The following AOC1 variants were observed in gnomAD, a reference collection of about 807,000 sequenced individuals.
AOC1 encodes amine oxidase copper containing 1, also known as diamine oxidase [copper-containing].
Under a neutral mutation model 57.1 loss-of-function variants are expected in AOC1, and 58 were observed. The ratio of observed to expected loss-of-function variants is 1.02; its 90% CI spans 0.82 to 1.26. The LOEUF is 1.26. AOC1 is among the 50% of genes most tolerant of loss of function. The pLI is 0.00. For missense variants in AOC1, 917 were observed against 1,005.3 expected (o/e 0.91, Z 1.19); for synonymous variants, 401 against 423.4 (o/e 0.95, Z 0.65).
Position 150,857,961 on chromosome 7 carries a change from C to T in AOC1, c.1491C>T (p.His497=), listed in dbSNP as rs369698665. 18 of 1,600,646 alleles carry T rather than the reference C, an allele frequency of 1.1e-5. No homozygotes were observed. The highest frequency in any genetic ancestry group is 4.5e-5 in the East Asian group (2 of 44,810). ...TCTACACCCCCGAGGGGCTGCGCCA[C>T]GGCACTCGCCTGCACACCCACCTGA... ...ATFYTPEGLR[H]GTRLHTHLIG... is the part of the protein sequence containing the mutation. The change falls in exon 2 of 5, where the codon CAC becomes CAT. Residue 497 remains histidine (H), a synonymous_variant. Coordinates refer to ENST00000360937, the MANE Select transcript of AOC1 (RefSeq NM_001091.4). The surrounding 1 kb of genome is among the most constrained non-coding windows in gnomAD (Gnocchi z 6.6).
In AOC1 at chr7:150,859,045, CAAGGTGAGG is replaced by C; in HGVS notation, c.1856+1_1856+9del. On this transcript the variant is annotated splice_donor_variant and splice_donor_5th_base_variant and coding_sequence_variant and intron_variant, in exon 3 of 5. Coordinates refer to ENST00000360937, the MANE Select transcript of AOC1 (RefSeq NM_001091.4). LOFTEE classifies it high-confidence loss of function. ...CAGGAGGAGCAGGCCATCACCTGGG[CAAGGTGAGG>C]AAGACCCAGGGGGCCTGGGGGAGGG... 6.4e-7 allele frequency: 1 copy of C among 1,564,580 alleles called. No homozygotes were observed. Among genetic ancestry groups the C allele is most frequent in the Non-Finnish European group, 8.7e-7 (1 of 1,150,416 alleles).
chr7:150,860,444 G>A, intron 3 of AOC1, 57 bp from the exon 4 acceptor site: 1 of 1,611,524 alleles, frequency 6.2e-7, no homozygotes, highest in Non-Finnish European at 8.5e-7. Flanking sequence ...CCCTGGGCAG[G>A]ACTGAGGGGG....
At position 150,860,962 on chromosome 7, in the gene AOC1, C is replaced by T. The variant is rs368330728; in HGVS notation, c.2009C>T (p.Thr670Met). ...IENEDLVAWVTVGFLHIPHSE... is the reference protein window; with the variant it reads ...IENEDLVAWVMVGFLHIPHSE... Reference sequence around the variant, plus strand: ...CTGCAGGACCTGGTGGCCTGGGTGACGGTGGGCTTCCTGCACATCCCCCAC... The same window carrying T: ...CTGCAGGACCTGGTGGCCTGGGTGATGGTGGGCTTCCTGCACATCCCCCAC... The change falls in exon 5 of 5, where the codon ACG (threonine) becomes ATG (methionine). Residue 670 changes from threonine (T) to methionine (M), a missense_variant. Coordinates refer to ENST00000360937, the MANE Select transcript of AOC1 (RefSeq NM_001091.4). 2.2e-5 allele frequency: 35 copies of T among 1,612,836 alleles called. No homozygotes were observed. Among genetic ancestry groups the T allele is most frequent in the Middle Eastern group, 1.6e-4 (1 of 6,082 alleles).
rs747539830 is a variant in AOC1 at position 150,859,068 on chromosome 7, C to T, written c.1856+20C>T. On this transcript the variant is annotated intron_variant, in intron 3 of 4. Coordinates refer to ENST00000360937, the MANE Select transcript of AOC1 (RefSeq NM_001091.4). ...GGCAAGGTGAGGAAGACCCAGGGGG[C>T]CTGGGGGAGGGTCAGTGGCTTCCCT... The T allele has an allele frequency of 3.3e-6, 5 of 1,526,802 alleles. No homozygotes were observed. Among genetic ancestry groups the T allele is most frequent in the Admixed American group, 4.1e-5 (2 of 48,362 alleles). 94.6% of individuals were successfully genotyped at this position (1,526,802 alleles called of 1,614,324 possible). A position where few individuals can be genotyped will look rare whatever the true frequency, so the allele number is the denominator to read the frequency against.
rs1390696763 is a variant in AOC1 at position 150,860,575 on chromosome 7, G to A, written c.1931G>A (p.Trp644Ter). 2 of 1,614,022 alleles carry A rather than the reference G, an allele frequency of 1.2e-6. No individual in the cohort carries two copies. Among genetic ancestry groups the A allele is most frequent in the Admixed American group, 1.7e-5 (1 of 60,018 alleles). ...SSSIYHQNDP[W>*]HPPVVFEQFL... ...AGCATCTACCACCAGAACGACCCCTGGCACCCGCCCGTGGTCTTTGAGCAG... is the reference window on the plus strand; with the variant it reads ...AGCATCTACCACCAGAACGACCCCTAGCACCCGCCCGTGGTCTTTGAGCAG... The change falls in exon 4 of 5, where the codon TGG becomes TAG. Residue 644 changes from tryptophan (W) to a stop codon, truncating the protein, a stop_gained. Transcript: ENST00000360937. LOFTEE classifies it high-confidence loss of function.
In AOC1 at chr7:150,856,432, T is replaced by G; in HGVS notation, c.-16-23T>G. 1 of 1,572,922 alleles carries G rather than the reference T, an allele frequency of 6.4e-7. No individual in the cohort carries two copies. On this transcript the variant is annotated intron_variant, in intron 1 of 4. Transcript: ENST00000360937. The surrounding 1 kb of genome is among the most constrained non-coding windows in gnomAD (Gnocchi z 5.2). ...ATCTCTGCCCATAAGACAACTAAGTTCATCTCCTCTATTGCATTCCAGAGC... is the reference window on the plus strand; with the variant it reads ...ATCTCTGCCCATAAGACAACTAAGTGCATCTCCTCTATTGCATTCCAGAGC...
Position 150,858,835 on chromosome 7 carries a change from G to T in AOC1, c.1643G>T (p.Arg548Leu). Residue 548 changes from arginine to leucine, a missense_variant, in exon 3 of 5, where the codon CGC becomes CTC. Physicochemically the swap from Arg to Leu is moderately radical, Grantham distance 102. Coordinates refer to ENST00000360937, the MANE Select transcript of AOC1 (RefSeq NM_001091.4). ...NITNPWSPRH[R>L]VVQPTLEQTQ... ...ACCAACCCCTGGAGCCCAAGACACCGCGTGGTCCAGCCAACTCTGGAGCAG... is the reference window on the plus strand; with the variant it reads ...ACCAACCCCTGGAGCCCAAGACACCTCGTGGTCCAGCCAACTCTGGAGCAG... 6.2e-7 allele frequency: 1 copy of T among 1,613,852 alleles called. No individual in the cohort carries two copies. Among genetic ancestry groups the T allele is most frequent in the Non-Finnish European group, 8.5e-7 (1 of 1,179,780 alleles).
At position 150,858,966 on chromosome 7, in the gene AOC1, A is replaced by AGC; in HGVS notation, c.1774_1775insGC (p.Thr592SerfsTer34). On this transcript the variant is annotated frameshift_variant, in exon 3 of 5. Coordinates refer to ENST00000360937, the MANE Select transcript of AOC1 (RefSeq NM_001091.4). LOFTEE classifies it high-confidence loss of function. ...GGAGAACCCCTGGGGCCACAAGCGC[A>AGC]CGTACCGCCTGCAGATCCACTCCAT... 1 of 1,608,656 alleles carries AGC rather than the reference A, an allele frequency of 6.2e-7. No individual in the cohort carries two copies. Among genetic ancestry groups the AGC allele is most frequent in the Non-Finnish European group, 8.5e-7 (1 of 1,176,454 alleles).
chr7:150,853,682 TATATA>T (rs1799687342), intron 1 of AOC1, among the ~76,000 whole-genome samples: 8 of 89,476 alleles, frequency 8.9e-5, no homozygotes, highest in South Asian at 6.0e-4. Context: ...TATATATATA[TATATA>T]TATATATATA....
At position 150,856,929 on chromosome 7, in the gene AOC1, C is replaced by T. The variant is rs770430713; in HGVS notation, c.459C>T (p.His153=). The T allele has an allele frequency of 1.2e-6, 2 of 1,614,172 alleles. No individual in the cohort carries two copies. Among genetic ancestry groups the T allele is most frequent in the Non-Finnish European group, 1.7e-6 (2 of 1,179,994 alleles). Residue 153 remains histidine (H), a synonymous_variant, in exon 2 of 5, where the codon CAC becomes CAT. Coordinates refer to ENST00000360937, the MANE Select transcript of AOC1 (RefSeq NM_001091.4). This position sits in a 1 kb window ranked among gnomAD's most constrained non-coding sequence, Gnocchi z 5.2. ...CAGCAGAGTATGCCCTCCTCTACCA[C>T]ACCCTGCAGGAAGCCACCAAGCCCC... is the stretch of plus-strand genomic sequence containing the variant. ...ISTAEYALLY[H]TLQEATKPLH...
At chr7:150,858,429 G>A (rs1799860602) in intron 2 of AOC1, among the ~76,000 whole-genome samples, 1 of 152,120 alleles carries the variant, frequency 6.6e-6, no homozygotes, top group Non-Finnish European at 1.5e-5. Flanking sequence ...AACTAATGCT[G>A]CCAGACCCAA....
In AOC1 at chr7:150,857,871, T is replaced by A. The variant is rs764338099; in HGVS notation, c.1401T>A (p.Phe467Leu). 1 of 1,613,702 alleles carries A rather than the reference T, an allele frequency of 6.2e-7. No individual in the cohort carries two copies. The highest frequency in any genetic ancestry group is 1.3e-5 in the African/African-American group (1 of 74,938). Residue 467 changes from phenylalanine (F) to leucine (L), a missense_variant, in exon 2 of 5, where the codon TTT (phenylalanine) becomes TTA (leucine). Physicochemically the swap from Phe to Leu is conservative, Grantham distance 22. Coordinates refer to ENST00000360937, the MANE Select transcript of AOC1 (RefSeq NM_001091.4). This position sits in a 1 kb window ranked among gnomAD's most constrained non-coding sequence, Gnocchi z 6.6. ...TVYNYDYIWD[F>L]IFYPNGVMEA... ...ACAATTATGATTACATTTGGGACTT[T>A]ATCTTCTACCCCAACGGGGTGATGG...
At position 150,861,341 on chromosome 7, in the gene AOC1, C is replaced by T. The variant is rs1799963664; in HGVS notation, c.*132C>T. On this transcript the variant is annotated 3_prime_UTR_variant, in exon 5 of 5. Coordinates refer to ENST00000360937, the MANE Select transcript of AOC1 (RefSeq NM_001091.4). The surrounding 1 kb of genome is among the most constrained non-coding windows in gnomAD (Gnocchi z 4.5). Reference sequence around the variant, plus strand: ...GGCACAGGGCCATGTGTGTAGGAAACACACGAACAGACGTGCACACACACA... The same window carrying T: ...GGCACAGGGCCATGTGTGTAGGAAATACACGAACAGACGTGCACACACACA... The T allele has an allele frequency of 9.0e-7, 1 of 1,108,006 alleles. No individual in the cohort carries two copies. Among genetic ancestry groups the T allele is most frequent in the Non-Finnish European group, 1.3e-6 (1 of 799,148 alleles). 68.6% of individuals were successfully genotyped at this position (1,108,006 alleles called of 1,614,324 possible). A position where few individuals can be genotyped will look rare whatever the true frequency, so the allele number is the denominator to read the frequency against.
chr7:150,859,133 G>A, intron 3 of AOC1, 85 bp downstream of exon 3: 2 of 1,383,640 alleles, frequency 1.4e-6, no homozygotes, highest in Non-Finnish European at 1.9e-6. Flanking sequence ...TGTGTCTATG[G>A]GGTTCCTAGT....
chr7:150,858,904 G>A lies in AOC1; in HGVS notation c.1712G>A (p.Arg571Lys), dbSNP rs754487035. 3.1e-6 allele frequency: 5 copies of A among 1,613,484 alleles called. 1 individual carries two copies. Among genetic ancestry groups the A allele is most frequent in the Non-Finnish European group, 1.7e-6 (2 of 1,179,656 alleles). Residue 571 changes from arginine (R) to lysine (K), a missense_variant, in exon 3 of 5, where the codon AGG (arginine) becomes AAG (lysine). Transcript: ENST00000360937. Reference protein sequence around the residue: ...WERQAAFRFKRKLPKYLLFTS... With the variant: ...WERQAAFRFKKKLPKYLLFTS... ...CGCCAGGCGGCCTTCCGCTTCAAAA[G>A]GAAGCTGCCTAAGTACCTGCTCTTT... is the stretch of plus-strand genomic sequence containing the variant.
Position 150,852,912 on chromosome 7 carries a change from CT to C in AOC1, c.-17+355del. Among the ~76,000 whole-genome samples the C allele has an allele frequency of 6.6e-6, 1 of 152,168 alleles. No individual in the cohort carries two copies. On this transcript the variant is annotated intron_variant, in intron 1 of 4. Coordinates refer to ENST00000360937, the MANE Select transcript of AOC1 (RefSeq NM_001091.4). The surrounding 1 kb of genome is among the most constrained non-coding windows in gnomAD (Gnocchi z 4.6). ...GGTCTCTTCCACATCTTTCTCCTTCCTGGAAAAGCAAAAAGAAACGTGGGTA... is the reference window on the plus strand; with the variant it reads ...GGTCTCTTCCACATCTTTCTCCTTCCGGAAAAGCAAAAAGAAACGTGGGTA...
At chr7:150,854,586 G>T (rs888461328) in intron 1 of AOC1, among the ~76,000 whole-genome samples, 1 of 152,150 alleles carries the variant, frequency 6.6e-6, no homozygotes, top group Non-Finnish European at 1.5e-5. Context: ...CCCAGAGTCG[G>T]GTGGGAAGGG....
intron 1 of AOC1, among the ~76,000 whole-genome samples, chr7:150,855,199 G>C (rs1483842092): frequency 6.6e-6 from 1 of 152,154 alleles, no homozygotes; most frequent in Non-Finnish European, 1.5e-5. Flanking sequence ...CCTTGAGGAA[G>C]GGGGTGCAAG....
chr7:150,857,599 G>A lies in AOC1; in HGVS notation c.1129G>A (p.Gly377Ser). The A allele has an allele frequency of 6.2e-7, 1 of 1,613,962 alleles. No homozygotes were observed. Among genetic ancestry groups the A allele is most frequent in the Admixed American group, 1.7e-5 (1 of 60,014 alleles). ...GACCAAGTACCTCGATGTCGGCTGG[G>A]GCCTGGGCAGCGTCACTCATGAGTT... ...MQTKYLDVGW[G>S]LGSVTHELAP... Residue 377 changes from glycine (G) to serine (S), a missense_variant, in exon 2 of 5, where the codon GGC becomes AGC. Transcript: ENST00000360937. This position sits in a 1 kb window ranked among gnomAD's most constrained non-coding sequence, Gnocchi z 6.6.
Sources: allele counts gnomAD v4.1 joint callset (sites outside exome capture counted in the v4.1 genomes callset), GRCh38; gene constraint gnomAD v4.1.1; non-coding constraint Gnocchi (gnomAD v3.1); transcripts MANE v1.5; gene names NCBI Gene and HGNC (gene_info 2026-07-23, HGNC 2026-07-21).